CHST5: variants seen among roughly 807,000 people sequenced by gnomAD.
The protein encoded by CHST5 is carbohydrate sulfotransferase 5.
For synonymous variants in CHST5, 313 were observed against 279.2 expected (o/e 1.12, Z -1.21); for missense variants, 637 against 602.1 (o/e 1.06, Z -0.61).
At chr16:75,533,252 C>G (rs548224038) in intron 2 of CHST5, 69 bp from the exon 3 acceptor site, 2 of 702,246 alleles carry the variant, frequency 2.8e-6, no homozygotes, top group East Asian at 5.4e-5. Context: ...GAGAACCAGT[C>G]AGCCAGGCCC....
chr16:75,530,611 C>T lies in CHST5; in HGVS notation c.-227G>A. The T allele has an allele frequency of 7.1e-7, 1 of 1,415,652 alleles. No individual in the cohort carries two copies. Among genetic ancestry groups the T allele is most frequent in the South Asian group, 1.7e-5 (1 of 58,834 alleles). The allele number at this position is 1,415,652 out of a possible 1,614,324, so 87.7% of individuals were successfully genotyped here. A position where few individuals can be genotyped will look rare whatever the true frequency, so the allele number is the denominator to read the frequency against. On this transcript the variant is annotated 5_prime_UTR_variant, in exon 4 of 4. An upstream start codon of the reference 5' UTR is lost. Transcript: ENST00000336257. The stretch of plus-strand genomic sequence containing the variant: ...ACCTACCCACCCACCCACCTACTTA[C>T]ATACCTACAGGCTATCTATCTGTAG...
At position 75,529,502 on chromosome 16, in the gene CHST5, A is replaced by G; in HGVS notation, c.883T>C (p.Phe295Leu). Reference sequence around the variant, plus strand: ...AGCGGCTCCCGCGCCAGGTCCTCGAAGCGCACCAGGCGGTAGCGGCCGCGC... The same window carrying G: ...AGCGGCTCCCGCGCCAGGTCCTCGAGGCGCACCAGGCGGTAGCGGCCGCGC... Reference protein sequence around the residue: ...FLRGRYRLVRFEDLAREPLAE... With the variant: ...FLRGRYRLVRLEDLAREPLAE... Residue 295 changes from phenylalanine to leucine, a missense_variant, in exon 4 of 4, where the codon TTC (phenylalanine) becomes CTC (leucine). By Grantham distance (22) the Phe-to-Leu change is conservative. Coordinates refer to ENST00000336257, the MANE Select transcript of CHST5 (RefSeq NM_024533.5). The G allele has an allele frequency of 6.2e-7, 1 of 1,611,342 alleles. No homozygotes were observed. The highest frequency in any genetic ancestry group is 8.5e-7 in the Non-Finnish European group (1 of 1,179,658).
In CHST5 at chr16:75,535,284, C is replaced by G. The variant is rs777657587; in HGVS notation, c.-1509G>C. On this transcript the variant is annotated 5_prime_UTR_variant, in exon 2 of 4. Transcript: ENST00000336257. ...GAGGTTCCGCAGGGGCTGACTTGCTCCTTAAGGTCCCAAGACTATTAAGGG... is the reference window on the plus strand; with the variant it reads ...GAGGTTCCGCAGGGGCTGACTTGCTGCTTAAGGTCCCAAGACTATTAAGGG... 6.6e-6 allele frequency: 1 copy of G among 152,344 alleles called. No individual in the cohort carries two copies. The highest frequency in any genetic ancestry group is 1.5e-5 in the Non-Finnish European group (1 of 68,128). The allele number at this position is 152,344 out of a possible 1,614,324, so 9.4% of individuals were successfully genotyped here.
chr16:75,532,982 T>A, intron 3 of CHST5, 107 bp downstream of exon 3: 1 of 590,890 alleles, frequency 1.7e-6, no homozygotes, highest in Non-Finnish European at 3.0e-6. Context: ...GATTGCCCCC[T>A]GCAGAGTGCA....
In CHST5 at chr16:75,531,214, C is replaced by T. The variant is rs769780006; in HGVS notation, c.-830G>A. On this transcript the variant is annotated 5_prime_UTR_variant, in exon 4 of 4. Transcript: ENST00000336257. ...GTGGGCGCCTGTAGTCCCAGCTACT[C>T]GGGAGGCTGAGGCAGGAGAATGGCG... The T allele has an allele frequency of 8.7e-5, 47 of 539,360 alleles. No individual in the cohort carries two copies. Among genetic ancestry groups the T allele is most frequent in the Non-Finnish European group, 9.8e-5 (41 of 417,252 alleles). The allele number at this position is 539,360 out of a possible 1,614,324, so 33.4% of individuals were successfully genotyped here.
At position 75,529,686 on chromosome 16, in the gene CHST5, C is replaced by G. The variant is rs761316714; in HGVS notation, c.699G>C (p.Arg233=). The change falls in exon 4 of 4, where the codon CGG becomes CGC. Residue 233 remains arginine (R), a synonymous_variant. Transcript: ENST00000336257. ...VRDPRAVLRS[R]EAAGPILARD... is the part of the protein sequence containing the mutation. ...GTGCCAGTATCGGGCCCGCCGCCTC[C>G]CGGGAGCGCAGCACGGCCCGCGGGT... 2 of 1,610,444 alleles carry G rather than the reference C, an allele frequency of 1.2e-6. No homozygotes were observed. The highest frequency in any genetic ancestry group is 4.5e-5 in the East Asian group (2 of 44,776).
At position 75,529,290 on chromosome 16, in the gene CHST5, C is replaced by A. The variant is rs758968064; in HGVS notation, c.1095G>T (p.Leu365=). ...CGCCGGCGCACACCTCCTGCACGCG[C>A]AGGATCTTAGTGAAGGGCAACGCGT... The part of the protein sequence containing the change: ...WRHALPFTKI[L]RVQEVCAGAL... The change falls in exon 4 of 4, where the codon CTG becomes CTT. Residue 365 remains leucine (L), a synonymous_variant. Coordinates refer to ENST00000336257, the MANE Select transcript of CHST5 (RefSeq NM_024533.5). The A allele has an allele frequency of 2.5e-6, 4 of 1,613,198 alleles. No individual in the cohort carries two copies. Among genetic ancestry groups the A allele is most frequent in the Non-Finnish European group, 3.4e-6 (4 of 1,179,920 alleles).
At chr16:75,535,615 G>C (rs992898813) in intron 1 of CHST5, among the ~76,000 whole-genome samples, 18 of 152,186 alleles carry the variant, frequency 1.2e-4, no homozygotes, top group African/African-American at 4.3e-4. Context: ...ACGTGGCTGC[G>C]GTCCCAGGGT....
intron 2 of CHST5, 46 bp from the exon 3 acceptor site, chr16:75,533,229 G>A (rs1462471082): frequency 1.4e-6 from 1 of 702,396 alleles, no homozygotes; most frequent in South Asian, 1.5e-5. Context: ...TTGGCCAAGG[G>A]TGCAAAGTTA....
rs1249766128 is a variant in CHST5 at position 75,530,386 on chromosome 16, C to A, written c.-2G>T. On this transcript the variant is annotated 5_prime_UTR_variant, in exon 4 of 4. Coordinates refer to ENST00000336257, the MANE Select transcript of CHST5 (RefSeq NM_024533.5). ...AGGGACCCGGGCCCTCATGCCCATCCCATGCCCCAATTACTGCCCAGTGCC... is the reference window on the plus strand; with the variant it reads ...AGGGACCCGGGCCCTCATGCCCATCACATGCCCCAATTACTGCCCAGTGCC... 6.6e-7 allele frequency: 1 copy of A among 1,525,502 alleles called. No individual in the cohort carries two copies. Among genetic ancestry groups the A allele is most frequent in the South Asian group, 1.3e-5 (1 of 78,480 alleles). 94.5% of individuals were successfully genotyped at this position (1,525,502 alleles called of 1,614,324 possible).
chr16:75,529,920 G>A lies in CHST5; in HGVS notation c.465C>T (p.Pro155=). ...WATSRALCSP[P]ACSAFPRGTI... is the part of the protein sequence containing the mutation. ...TGCCTCGGGGAAAGGCGCTGCAGGCGGGCGGCGAGCACAGCGCGCGGCTCG... is the reference window on the plus strand; with the variant it reads ...TGCCTCGGGGAAAGGCGCTGCAGGCAGGCGGCGAGCACAGCGCGCGGCTCG... The change falls in exon 4 of 4, where the codon CCC becomes CCT. Residue 155 remains proline, a synonymous_variant. Coordinates refer to ENST00000336257, the MANE Select transcript of CHST5 (RefSeq NM_024533.5). 6.2e-7 allele frequency: 1 copy of A among 1,613,306 alleles called. No individual in the cohort carries two copies. The highest frequency in any genetic ancestry group is 2.2e-5 in the East Asian group (1 of 44,880).
Position 75,528,565 on chromosome 16 carries a change from T to G in CHST5, c.*584A>C, listed in dbSNP as rs570930205. On this transcript the variant is annotated 3_prime_UTR_variant, in exon 4 of 4. Coordinates refer to ENST00000336257, the MANE Select transcript of CHST5 (RefSeq NM_024533.5). ...TTTGAACAAATTTATTACTTATTTT[T>G]TTGATAGAGTCTTGCTCTGCCACCC... 7 of 152,334 alleles carry G rather than the reference T, an allele frequency of 4.6e-5. No homozygotes were observed. In the South Asian group the frequency reaches 1.4e-3, roughly 32 times the overall value. 9.4% of individuals were successfully genotyped at this position (152,334 alleles called of 1,614,324 possible).
intron 2 of CHST5, among the ~76,000 whole-genome samples, chr16:75,533,398 G>A (rs532750600): frequency 9.2e-5 from 14 of 152,068 alleles, no homozygotes; most frequent in Non-Finnish European, 1.6e-4. Context: ...AAGAGGCAGG[G>A]CAGGGGCTTA....
Position 75,530,664 on chromosome 16 carries a change from T to G in CHST5, c.-280A>C, listed in dbSNP as rs2080511421. 7.8e-7 allele frequency: 1 copy of G among 1,282,560 alleles called. No individual in the cohort carries two copies. The highest frequency in any genetic ancestry group is 3.9e-5 in the Admixed American group (1 of 25,822). The allele number at this position is 1,282,560 out of a possible 1,614,324, so 79.4% of individuals were successfully genotyped here. Reference sequence around the variant, plus strand: ...AGAAATACTATGTTTCAAAGAGAACTCCTGTCTTTTGCTTCAGGATACCTC... The same window carrying G: ...AGAAATACTATGTTTCAAAGAGAACGCCTGTCTTTTGCTTCAGGATACCTC... On this transcript the variant is annotated 5_prime_UTR_variant, in exon 4 of 4. Coordinates refer to ENST00000336257, the MANE Select transcript of CHST5 (RefSeq NM_024533.5).
rs370791209 is a variant in CHST5, at chr16:75,531,320, CAAAAAAAA to C, written c.-944_-937del. 1.5e-6 allele frequency: 1 copy of C among 668,982 alleles called. No individual in the cohort carries two copies. Among genetic ancestry groups the C allele is most frequent in the Non-Finnish European group, 1.8e-6 (1 of 560,962 alleles). The allele number at this position is 668,982 out of a possible 1,614,324, so 41.4% of individuals were successfully genotyped here. A position where few individuals can be genotyped will look rare whatever the true frequency, so the allele number is the denominator to read the frequency against. On this transcript the variant is annotated 5_prime_UTR_variant, in exon 4 of 4. An upstream open reading frame in the 5' UTR loses its in-frame stop. Transcript: ENST00000336257. ...CTGAGTGAAGAGTGAGACTCCGTTTCAAAAAAAAAAAAAAAAACAACAAAAAAAAAACT... is the reference window on the plus strand; with the variant it reads ...CTGAGTGAAGAGTGAGACTCCGTTTCAAAAAAAAACAACAAAAAAAAAACT...
rs2080484406 is a variant in CHST5 at position 75,528,878 on chromosome 16, C to T, written c.*271G>A. ...CACATTTAATTTAATTTAGCAGTAA[C>T]TTACTCCCTGCGCCCAGAAGAGGTA... is the stretch of plus-strand genomic sequence containing the variant. On this transcript the variant is annotated 3_prime_UTR_variant, in exon 4 of 4. Transcript: ENST00000336257. The T allele has an allele frequency of 2.6e-6, 1 of 385,356 alleles. No homozygotes were observed. The highest frequency in any genetic ancestry group is 4.7e-6 in the Non-Finnish European group (1 of 214,856). 23.9% of individuals were successfully genotyped at this position (385,356 alleles called of 1,614,324 possible).
rs1452641205 is a variant in CHST5 at position 75,529,146 on chromosome 16, T to C, written c.*3A>G. 7 of 1,564,652 alleles carry C rather than the reference T, an allele frequency of 4.5e-6. No individual in the cohort carries two copies. In the African/African-American group the frequency reaches 5.4e-5, roughly 12 times the overall value. On this transcript the variant is annotated 3_prime_UTR_variant, in exon 4 of 4. Transcript: ENST00000336257. ...TCGGGGCCTGCTCTAAGGCCCAGAG[T>C]TCTCAGTCAGGCGATGCCCAGCTGA...
Position 75,529,149 on chromosome 16 carries a change from T to G in CHST5, c.1236A>C (p.Ter412CysextTer90). The change falls in exon 4 of 4, where the codon TGA (stop) becomes TGC (cysteine). Residue 412 changes from the stop codon to cysteine (C), a stop_lost. Coordinates refer to ENST00000336257, the MANE Select transcript of CHST5 (RefSeq NM_024533.5). The part of the protein sequence containing the change: ...PDHFSWASPD[*>C] ...GGGCCTGCTCTAAGGCCCAGAGTTCTCAGTCAGGCGATGCCCAGCTGAAGT... is the reference window on the plus strand; with the variant it reads ...GGGCCTGCTCTAAGGCCCAGAGTTCGCAGTCAGGCGATGCCCAGCTGAAGT... The G allele has an allele frequency of 1.3e-6, 2 of 1,567,468 alleles. No homozygotes were observed. Among genetic ancestry groups the G allele is most frequent in the Non-Finnish European group, 1.7e-6 (2 of 1,154,414 alleles).
chr16:75,533,332 T>C (rs1190600004), intron 2 of CHST5, 149 bp from the exon 3 acceptor site: 3 of 671,212 alleles, frequency 4.5e-6, no homozygotes, highest in Non-Finnish European at 8.1e-6. Flanking sequence ...GAAATAACCA[T>C]CCCTATCTGT....
Sources: gnomAD v4.1 joint callset for allele counts (sites outside exome capture counted in the v4.1 genomes callset) on GRCh38, gnomAD v4.1.1 for gene constraint, MANE v1.5 for transcripts, NCBI Gene and HGNC (gene_info 2026-07-23, HGNC 2026-07-21) for gene names.